The following DAB1 variants were observed in gnomAD, a reference collection of about 807,000 sequenced individuals.
The protein encoded by DAB1 is disabled homolog 1.
Under a neutral mutation model 64.6 loss-of-function variants are expected in DAB1, and 15 were observed. The observed-to-expected ratio is 0.23, with a 90% CI of 0.16 to 0.36. The LOEUF (loss-of-function observed/expected upper bound fraction) is 0.36. Among genes scored for constraint, DAB1 ranks in the 10% least tolerant of loss-of-function variants. DAB1 has a pLI of 1.00. For synonymous variants in DAB1, 235 were observed against 251.9 expected (o/e 0.93, Z 0.64); for missense variants, 596 against 706.7 (o/e 0.84, Z 1.78).
intron 6 of DAB1, among the ~76,000 whole-genome samples, chr1:57,682,838 C>G (rs1353773242): frequency 6.6e-6 from 1 of 152,184 alleles, no homozygotes; most frequent in African/African-American, 2.4e-5. Flanking sequence ...GACTGCCAGA[C>G]AGGAGAGAAC....
chr1:58,290,145 G>A (rs1363672067), intron 4 of DAB1, among the ~76,000 whole-genome samples: 2 of 152,166 alleles, frequency 1.3e-5, no homozygotes, highest in African/African-American at 4.8e-5. Flanking sequence ...ATAAGTCAGA[G>A]ACACCAAGAT....
chr1:57,107,218 T>A (rs2100710693), intron 4 of DAB1, among the ~76,000 whole-genome samples: 1 of 151,418 alleles, frequency 6.6e-6, no homozygotes, highest in South Asian at 2.1e-4. Context: ...CTACTGAAAA[T>A]ACAAAAATTA....
chr1:57,657,004 T>A (rs1158972732), intron 6 of DAB1, among the ~76,000 whole-genome samples: 1 of 152,224 alleles, frequency 6.6e-6, no homozygotes, highest in East Asian at 1.9e-4. Context: ...ATTAGGCTTA[T>A]TATACAAACA....
intron 4 of DAB1, among the ~76,000 whole-genome samples, chr1:58,189,156 G>C (rs1278888234): frequency 6.6e-6 from 1 of 152,102 alleles, no homozygotes; most frequent in Non-Finnish European, 1.5e-5. Context: ...ATTCAGCTTT[G>C]TCATATTTGG....
At chr1:57,176,899 A>G (rs1662375973) in intron 2 of DAB1, among the ~76,000 whole-genome samples, 1 of 151,638 alleles carries the variant, frequency 6.6e-6, no homozygotes, top group Admixed American at 6.6e-5. Context: ...CCACCCAAAA[A>G]AGAACACTTT....
In DAB1 at chr1:58,348,099, A is replaced by G. The variant is rs534653918; in HGVS notation, n.258-4696T>C. Among the ~76,000 whole-genome samples, 11 of 152,112 alleles carry G rather than the reference A, an allele frequency of 7.2e-5. No individual in the cohort carries two copies. The South Asian group carries it at 2.3e-3, about 32-fold the overall frequency. On this transcript the variant is annotated intron_variant and non_coding_transcript_variant, in intron 3 of 20. Coordinates refer to the DAB1 transcript ENST00000485760. ...TGCTAGGATGACCTCACCTTCCCTC[A>G]TTGCTCTGTTGGTCCTTTTGCCATT...
At position 57,264,487 on chromosome 1, in the gene DAB1, C is replaced by T. The variant is rs532552407; in HGVS notation, c.67+26477G>A. Among the ~76,000 whole-genome samples the T allele has an allele frequency of 2.0e-4, 30 of 152,264 alleles. 2 individuals are homozygous for T. The highest frequency in any genetic ancestry group is 1.5e-3 in the South Asian group (7 of 4,820). ...TGGTCATATTTTCAAGGACAAATTC[C>T]GCATTGGTACAATTTCCGCATACAT... On this transcript the variant is annotated intron_variant, in intron 2 of 14. Coordinates refer to ENST00000371236, the MANE Select transcript of DAB1 (RefSeq NM_001365792.1).
At chr1:58,451,704 C>T (rs1055905824) in intron 3 of DAB1, among the ~76,000 whole-genome samples, 8 of 151,878 alleles carry the variant, frequency 5.3e-5, no homozygotes, top group Non-Finnish European at 1.0e-4. Context: ...GAAAGCTAGA[C>T]GGGCTTTAGT....
intron 4 of DAB1, among the ~76,000 whole-genome samples, chr1:58,257,516 G>C (rs1660959755): frequency 2.0e-5 from 3 of 152,138 alleles, no homozygotes; most frequent in Admixed American, 2.0e-4. Flanking sequence ...GGTCAAAAGG[G>C]CTACTCTCCT....
intron 1 of DAB1, among the ~76,000 whole-genome samples, chr1:57,839,000 CA>C (rs902991347): frequency 1.3e-5 from 2 of 151,992 alleles, no homozygotes; most frequent in African/African-American, 4.8e-5. Flanking sequence ...AGGCTGTTCT[CA>C]AACTCCTAGC....
At chr1:58,303,710 G>A (rs2100465609) in intron 4 of DAB1, among the ~76,000 whole-genome samples, 1 of 152,244 alleles carries the variant, frequency 6.6e-6, no homozygotes, top group East Asian at 1.9e-4. Context: ...AAGGAGAAGA[G>A]GAAACAAGGC....
intron 1 of DAB1, among the ~76,000 whole-genome samples, chr1:58,531,778 C>T (rs1329265032): frequency 1.3e-5 from 2 of 151,898 alleles, no homozygotes; most frequent in Non-Finnish European, 2.9e-5. Context: ...GGCGAGGTCT[C>T]GACTCACTGC....
intron 4 of DAB1, among the ~76,000 whole-genome samples, chr1:57,091,353 G>T (rs1476277049): frequency 6.6e-6 from 1 of 152,112 alleles, no homozygotes; most frequent in Non-Finnish European, 1.5e-5. Context: ...GTATCTCATT[G>T]TATCATTCAA....
rs140515929 is a variant in DAB1 at position 57,802,262 on chromosome 1, T to C, written n.551+81737A>G. The stretch of plus-strand genomic sequence containing the variant: ...GTTACTTACTTTGCTGTTGTCCTTT[T>C]GGTAGAAAGACCAATATAGTGATAT... On this transcript the variant is annotated intron_variant and non_coding_transcript_variant, in intron 6 of 20. Coordinates refer to the DAB1 transcript ENST00000485760. 1.6e-4 allele frequency among the ~76,000 whole-genome samples: 25 copies of C among 152,334 alleles called. No individual in the cohort carries two copies. The East Asian group carries it at 4.8e-3, about 29-fold the overall frequency.
At chr1:57,739,327 T>C (rs1257798946) in intron 6 of DAB1, among the ~76,000 whole-genome samples, 2 of 151,750 alleles carry the variant, frequency 1.3e-5, no homozygotes, top group African/African-American at 4.8e-5. Flanking sequence ...TTTCTTTCTG[T>C]TACTATCTTT....
chr1:58,050,019 T>C lies in DAB1; in HGVS notation n.387+100492A>G, dbSNP rs180899399. Among the ~76,000 whole-genome samples the C allele has an allele frequency of 3.4e-3, 517 of 152,276 alleles. 5 individuals carry two copies. The highest frequency in any genetic ancestry group is 0.012 in the African/African-American group (496 of 41,552). On this transcript the variant is annotated intron_variant and non_coding_transcript_variant, in intron 5 of 20. Transcript: ENST00000485760. ...GGAACTCTAAAGAAGTGATATTAAA[T>C]GGAGACCATAACAATGAGTAGAGAT...
chr1:57,079,922 A>G (rs1457234378), intron 4 of DAB1, among the ~76,000 whole-genome samples: 1 of 152,090 alleles, frequency 6.6e-6, no homozygotes, highest in East Asian at 1.9e-4. Flanking sequence ...GCCATTATGT[A>G]TGGGGATGAA....
intron 4 of DAB1, among the ~76,000 whole-genome samples, chr1:58,205,735 G>A (rs1658237779): frequency 2.6e-5 from 4 of 152,128 alleles, no homozygotes; most frequent in Admixed American, 2.6e-4. Context: ...GAATGCGCCA[G>A]CAAACCTGAT....
chr1:58,449,374 T>A (rs1302832578), intron 3 of DAB1, among the ~76,000 whole-genome samples: 4 of 152,188 alleles, frequency 2.6e-5, no homozygotes, highest in Non-Finnish European at 5.9e-5. Flanking sequence ...TCATAGATGA[T>A]GTGCATGTCC....
Sources: allele counts gnomAD v4.1 joint callset (sites outside exome capture counted in the v4.1 genomes callset), GRCh38; gene constraint gnomAD v4.1.1; transcripts MANE v1.5; gene names NCBI Gene and HGNC (gene_info 2026-07-23, HGNC 2026-07-21).